EVC2: variants seen among roughly 807,000 people sequenced by gnomAD.
EVC2 encodes the protein limbin.
In EVC2, 148 loss-of-function variants were observed where a neutral mutation model predicts 149.3. The ratio of observed to expected loss-of-function variants is 0.99; its 90% CI spans 0.87 to 1.14. The LOEUF is 1.14. Ranked by LOEUF, EVC2 falls within the 50% of genes most tolerant of loss-of-function variation. EVC2 has a pLI of 0.00. For synonymous variants in EVC2, 776 were observed against 649.9 expected (o/e 1.19, Z -2.95); for missense variants, 1,854 against 1,627.3 (o/e 1.14, Z -2.40).
chr4:5,618,341 C>T lies in EVC2; in HGVS notation c.2706+137G>A. 4 of 955,834 alleles carry T rather than the reference C, an allele frequency of 4.2e-6. No homozygotes were observed. The South Asian group carries it at 5.6e-5, about 13-fold the overall frequency. 59.2% of individuals were successfully genotyped at this position (955,834 alleles called of 1,614,324 possible). A position where few individuals can be genotyped will look rare whatever the true frequency, so the allele number is the denominator to read the frequency against. On this transcript the variant is annotated intron_variant, in intron 15 of 21. Coordinates refer to ENST00000344408, the MANE Select transcript of EVC2 (RefSeq NM_147127.5). This position sits in a 1 kb window ranked among gnomAD's most constrained non-coding sequence, Gnocchi z 4.4. ...GGAGATTCCTGGAATAGCTGGACACCAATGCAGCCAGAGAGGAGAGGATAG... is the reference window on the plus strand; with the variant it reads ...GGAGATTCCTGGAATAGCTGGACACTAATGCAGCCAGAGAGGAGAGGATAG...
chr4:5,662,414 ATTG>A lies in EVC2; in HGVS notation c.1145+690_1145+692del, dbSNP rs955709943. 7.5e-5 allele frequency among the ~76,000 whole-genome samples: 11 copies of A among 146,456 alleles called. No individual in the cohort carries two copies. In the East Asian group the frequency reaches 7.8e-4, roughly 10 times the overall value. On this transcript the variant is annotated intron_variant, in intron 9 of 21. Coordinates refer to ENST00000344408, the MANE Select transcript of EVC2 (RefSeq NM_147127.5). ...TTAAAAGTTAAAAATAAATAAAAAAATTGTTATTAGTTCAATAGTTTATTGAAT... is the reference window on the plus strand; with the variant it reads ...TTAAAAGTTAAAAATAAATAAAAAAATTATTAGTTCAATAGTTTATTGAAT...
intron 16 of EVC2, among the ~76,000 whole-genome samples, chr4:5,604,553 T>C (rs1385873412): frequency 6.6e-6 from 1 of 152,060 alleles, no homozygotes; most frequent in African/African-American, 2.4e-5. Flanking sequence ...TGGGGAAGGT[T>C]GTGGGGGAGA....
chr4:5,594,039 G>A (rs1209198819), intron 16 of EVC2, among the ~76,000 whole-genome samples: 2 of 152,190 alleles, frequency 1.3e-5, no homozygotes, highest in Admixed American at 6.5e-5. Context: ...CCATTGCCCA[G>A]GCTTGCTTAG....
chr4:5,543,270 T>C (rs1721551633), intron 21 of EVC2: 6 of 1,176,000 alleles, frequency 5.1e-6, no homozygotes, highest in Non-Finnish European at 6.8e-6. Flanking sequence ...ACCCACATTG[T>C]ACCATCACCA....
chr4:5,539,493 A>C (rs1437320683), downstream of EVC2, among the ~76,000 whole-genome samples: 2 of 152,206 alleles, frequency 1.3e-5, no homozygotes, highest in African/African-American at 2.4e-5. Context: ...TTACTTTGCA[A>C]AAGAAAAAAA....
At chr4:5,570,989 CAG>C (rs898537084) in intron 19 of EVC2, among the ~76,000 whole-genome samples, 4 of 151,962 alleles carry the variant, frequency 2.6e-5, no homozygotes, top group African/African-American at 7.2e-5. Context: ...TTTGGGGACT[CAG>C]GGGGAAGAAT....
intron 10 of EVC2, among the ~76,000 whole-genome samples, chr4:5,638,332 T>C (rs919128792): frequency 7.3e-5 from 11 of 151,282 alleles, no homozygotes; most frequent in Non-Finnish European, 1.5e-4. Flanking sequence ...GAGGTTGCAG[T>C]GAGCCAAGAC....
rs915274674 is a variant in EVC2 at position 5,694,431 on chromosome 4, G to C, written c.354C>G (p.Ala118=). 1 of 1,614,174 alleles carries C rather than the reference G, an allele frequency of 6.2e-7. No individual in the cohort carries two copies. The highest frequency in any genetic ancestry group is 1.6e-4 in the Middle Eastern group (1 of 6,062). Residue 118 remains alanine, a synonymous_variant, in exon 3 of 22, where the codon GCC becomes GCG. Coordinates refer to ENST00000344408, the MANE Select transcript of EVC2 (RefSeq NM_147127.5). ...EVFIPLSTSA[A]SSGPWAHSLF... ...AGGAATGAGCCCATGGCCCACTAGA[G>C]GCTGCAGAAGTTGAGAGTGGGATGA... is the stretch of plus-strand genomic sequence containing the variant.
intron 16 of EVC2, among the ~76,000 whole-genome samples, chr4:5,604,646 T>G (rs1714245038): frequency 6.6e-6 from 1 of 152,142 alleles, no homozygotes; most frequent in Non-Finnish European, 1.5e-5. Context: ...TTAGGGTGAC[T>G]ATAGTTAATA....
upstream of EVC2, chr4:5,709,199 G>T (rs1399632961): frequency 1.3e-5 from 2 of 152,340 alleles, no homozygotes; most frequent in African/African-American, 4.8e-5. Context: ...TGAAGTCGCA[G>T]CCCTAAGCAA....
chr4:5,626,005 G>T, intron 12 of EVC2, 97 bp from the exon 13 acceptor site: 1 of 1,466,374 alleles, frequency 6.8e-7, no homozygotes, highest in Non-Finnish European at 9.5e-7. Context: ...TATTAGTTTG[G>T]TTTGAATCAG....
chr4:5,661,253 A>G (rs1443404064), intron 9 of EVC2, among the ~76,000 whole-genome samples: 2 of 152,256 alleles, frequency 1.3e-5, no homozygotes. Flanking sequence ...ATGTTAAAAT[A>G]AAAATCATCA....
rs541900243 is a variant in EVC2, at chr4:5,632,860, G to A, written c.1471-828C>T. 5.9e-5 allele frequency among the ~76,000 whole-genome samples: 9 copies of A among 152,212 alleles called. No individual in the cohort carries two copies. In the East Asian group the frequency reaches 9.7e-4, roughly 16 times the overall value. ...TGTTCTTCACTCCACATGGGTAGGC[G>A]GGATTCTGGAATGGCCCCTGATCCC... On this transcript the variant is annotated intron_variant, in intron 10 of 21. Transcript: ENST00000344408.
At chr4:5,607,195 T>C (rs937273732) in intron 16 of EVC2, among the ~76,000 whole-genome samples, 1 of 151,964 alleles carries the variant, frequency 6.6e-6, no homozygotes, top group Non-Finnish European at 1.5e-5. Flanking sequence ...GGAAGGGACA[T>C]GAGGATGATA....
downstream of EVC2, among the ~76,000 whole-genome samples, chr4:5,540,687 G>T (rs1721494845): frequency 6.6e-6 from 1 of 152,188 alleles, no homozygotes; most frequent in Admixed American, 6.5e-5. Flanking sequence ...AATTTACCAA[G>T]GGCCACAAGG....
chr4:5,654,267 C>T (rs932142286), intron 9 of EVC2, among the ~76,000 whole-genome samples: 5 of 151,030 alleles, frequency 3.3e-5, no homozygotes, highest in African/African-American at 1.2e-4. Context: ...GAAGAGGAGG[C>T]CTGGAGTGAG....
At position 5,640,868 on chromosome 4, in the gene EVC2, A is replaced by C. The variant is rs1436165628; in HGVS notation, c.1146-30T>G. On this transcript the variant is annotated intron_variant, in intron 9 of 21. Coordinates refer to ENST00000344408, the MANE Select transcript of EVC2 (RefSeq NM_147127.5). This position sits in a 1 kb window ranked among gnomAD's most constrained non-coding sequence, Gnocchi z 4.6. ...GAAACACAAAAATCAAAAGAATTCC[A>C]TTACATGAAATTGCAACAGAAACCA... 1.9e-6 allele frequency: 3 copies of C among 1,612,864 alleles called. No individual in the cohort carries two copies. Among genetic ancestry groups the C allele is most frequent in the Non-Finnish European group, 2.5e-6 (3 of 1,179,164 alleles).
intron 11 of EVC2, among the ~76,000 whole-genome samples, chr4:5,631,382 G>GTA (rs1235477921): frequency 6.6e-6 from 1 of 152,144 alleles, no homozygotes; most frequent in African/African-American, 2.4e-5. Context: ...AGCCTGGCCT[G>GTA]TATTTCCTTT....
At chr4:5,675,480 C>T (rs13148379) in intron 7 of EVC2, among the ~76,000 whole-genome samples, 118,426 of 152,174 alleles carry the variant, frequency 0.78, 46,523 homozygotes, top group African/African-American at 0.88. Flanking sequence ...TGATGTTTCT[C>T]GTAGCAGTCA....
Sources: allele counts gnomAD v4.1 joint callset (sites outside exome capture counted in the v4.1 genomes callset), GRCh38; gene constraint gnomAD v4.1.1; non-coding constraint Gnocchi (gnomAD v3.1); transcripts MANE v1.5; gene names NCBI Gene and HGNC (gene_info 2026-07-23, HGNC 2026-07-21).